SCEL: variants seen among roughly 807,000 people sequenced by gnomAD.
The protein encoded by SCEL is sciellin.
A neutral mutation model predicts 117.6 loss-of-function variants in SCEL; 113 were observed. The observed-to-expected ratio is 0.96, with a 90% CI of 0.83 to 1.12. The LOEUF (loss-of-function observed/expected upper bound fraction) is 1.12, where lower values mean the gene tolerates loss of function less well. Among genes scored for constraint, SCEL ranks in the 50% most tolerant of loss-of-function variants. The pLI, the probability that SCEL is intolerant of heterozygous loss-of-function variation, is 0.00. For missense variants in SCEL, 785 were observed against 810.8 expected (o/e 0.97, Z 0.39); for synonymous variants, 270 against 256.2 (o/e 1.05, Z -0.51).
At chr13:77,546,587 C>A (rs2084000733) in intron 1 of SCEL, among the ~76,000 whole-genome samples, 1 of 151,766 alleles carries the variant, frequency 6.6e-6, no homozygotes, top group Non-Finnish European at 1.5e-5. Flanking sequence ...TCACACATAT[C>A]TTTTGTAGAC....
Position 77,603,110 on chromosome 13 carries a change from C to A in SCEL, c.1072C>A (p.Pro358Thr). 1.3e-6 allele frequency: 2 copies of A among 1,562,708 alleles called. No homozygotes were observed. The highest frequency in any genetic ancestry group is 1.7e-6 in the Non-Finnish European group (2 of 1,153,030). Residue 358 changes from proline (P) to threonine (T), a missense_variant, in exon 18 of 33, where the codon CCC (proline) becomes ACC (threonine). By Grantham distance (38) the Pro-to-Thr change is conservative. Transcript: ENST00000349847. ...CCTTGATAATGCTACTGAAGTAAATCCCAAAGGACATGAAAATACCACTGG... is the reference window on the plus strand; with the variant it reads ...CCTTGATAATGCTACTGAAGTAAATACCAAAGGACATGAAAATACCACTGG... ...EDLDNATEVN[P>T]KGHENTTGKK...
chr13:77,629,781 T>C (rs148677698), intron 28 of SCEL, among the ~76,000 whole-genome samples: 115 of 152,250 alleles, frequency 7.6e-4, no homozygotes, highest in African/African-American at 2.7e-3. Flanking sequence ...CAGAGAGCCA[T>C]GTAGAAATAT....
chr13:77,617,973 C>G, intron 26 of SCEL, 31 bp from the exon 27 acceptor site: 1 of 1,607,478 alleles, frequency 6.2e-7, no homozygotes, highest in Non-Finnish European at 8.5e-7. Flanking sequence ...TATTACCAAT[C>G]TGAACTTTTT....
chr13:77,541,865 C>T (rs2083721018), intron 1 of SCEL, among the ~76,000 whole-genome samples: 1 of 152,144 alleles, frequency 6.6e-6, no homozygotes, highest in African/African-American at 2.4e-5. Flanking sequence ...ATATGAAATA[C>T]AGTAAAGTAT....
chr13:77,580,396 C>T (rs965207917), intron 9 of SCEL, among the ~76,000 whole-genome samples: 8 of 152,098 alleles, frequency 5.3e-5, no homozygotes, highest in South Asian at 2.1e-4. Flanking sequence ...TAGCATTTGC[C>T]GGACGTGAGC....
At chr13:77,574,738 C>T (rs1192135517) in intron 9 of SCEL, among the ~76,000 whole-genome samples, 3 of 152,076 alleles carry the variant, frequency 2.0e-5, no homozygotes. Flanking sequence ...CAGAGGAGCC[C>T]AAAGAAAATG....
At chr13:77,598,775 T>C (rs1313939544) in intron 13 of SCEL, among the ~76,000 whole-genome samples, 1 of 152,178 alleles carries the variant, frequency 6.6e-6, no homozygotes, top group African/African-American at 2.4e-5. Context: ...CTCCATTTCC[T>C]GGACTCAAGC....
At chr13:77,616,084 A>G (rs1266920674) in intron 24 of SCEL, among the ~76,000 whole-genome samples, 1 of 150,804 alleles carries the variant, frequency 6.6e-6, no homozygotes, top group Non-Finnish European at 1.5e-5. Flanking sequence ...GTGATGTAAA[A>G]TGTATTTCTT....
At chr13:77,573,687 A>C (rs939430345) in intron 9 of SCEL, among the ~76,000 whole-genome samples, 7 of 149,384 alleles carry the variant, frequency 4.7e-5, no homozygotes, top group African/African-American at 1.7e-4. Context: ...CTATCTGTCT[A>C]TCTATCTAAT....
At chr13:77,581,114 T>C (rs2086240019) in intron 9 of SCEL, among the ~76,000 whole-genome samples, 1 of 152,238 alleles carries the variant, frequency 6.6e-6, no homozygotes, top group African/African-American at 2.4e-5. Context: ...ATACATCTTA[T>C]TTTTATCTCA....
chr13:77,587,722 T>A (rs1160841207), intron 9 of SCEL, among the ~76,000 whole-genome samples: 12 of 152,154 alleles, frequency 7.9e-5, no homozygotes. Flanking sequence ...CGCCCTTCTA[T>A]TACTCTTGTT....
At chr13:77,553,630 C>T (rs1408919518) in intron 1 of SCEL, among the ~76,000 whole-genome samples, 1 of 152,080 alleles carries the variant, frequency 6.6e-6, no homozygotes, top group Non-Finnish European at 1.5e-5. Flanking sequence ...ATCCCTGACA[C>T]TCCCGGTGTG....
At chr13:77,555,788 C>A in intron 1 of SCEL, 69 bp from the exon 2 acceptor site, 2 of 1,014,634 alleles carry the variant, frequency 2.0e-6, no homozygotes, top group South Asian at 1.3e-5. Flanking sequence ...GAATCTCAGT[C>A]ATGAAACAGT....
rs1419429480 is a variant in SCEL, at chr13:77,542,095, A to G, written c.-20+6271A>G. On this transcript the variant is annotated intron_variant, in intron 1 of 32. Coordinates refer to ENST00000349847, the MANE Select transcript of SCEL (RefSeq NM_144777.3). ...ACTATTCATGTTAAAGCTTGCTGTT[A>G]TCATTCTGCAGAAAAGATGGGCTGT... is the stretch of plus-strand genomic sequence containing the variant. Among the ~76,000 whole-genome samples, 6 of 152,240 alleles carry G rather than the reference A, an allele frequency of 3.9e-5. No individual in the cohort carries two copies. In the East Asian group the frequency reaches 1.2e-3, roughly 29 times the overall value.
intron 10 of SCEL, among the ~76,000 whole-genome samples, chr13:77,589,833 C>T (rs936511276): frequency 6.6e-6 from 1 of 152,136 alleles, no homozygotes; most frequent in African/African-American, 2.4e-5. Context: ...TGCTTCTCAG[C>T]TTTGAATCTC....
chr13:77,575,666 G>A lies in SCEL; in HGVS notation c.545+3477G>A, dbSNP rs182702493. On this transcript the variant is annotated intron_variant, in intron 9 of 32. Transcript: ENST00000349847. Reference sequence around the variant, plus strand: ...GAGAGAATCTAATTCATAACAGCAAGACATGGCATGTAAAGTTTTTAATTT... The same window carrying A: ...GAGAGAATCTAATTCATAACAGCAAAACATGGCATGTAAAGTTTTTAATTT... Among the ~76,000 whole-genome samples the A allele has an allele frequency of 8.5e-5, 13 of 152,236 alleles. No homozygotes were observed. The East Asian group carries it at 1.5e-3, about 18-fold the overall frequency.
intron 22 of SCEL, 97 bp downstream of exon 22, chr13:77,610,203 A>G (rs767947431): frequency 2.5e-5 from 20 of 803,216 alleles, no homozygotes; most frequent in Admixed American, 7.1e-5. Flanking sequence ...CTGTAATCCC[A>G]ACAGTTTAGG....
chr13:77,604,871 G>T (rs1407927849), intron 19 of SCEL, among the ~76,000 whole-genome samples: 1 of 152,070 alleles, frequency 6.6e-6, no homozygotes, highest in Non-Finnish European at 1.5e-5. Flanking sequence ...GTATAAATGC[G>T]TGTGTGTATA....
chr13:77,577,460 A>G (rs986087299), intron 9 of SCEL, among the ~76,000 whole-genome samples: 1 of 152,024 alleles, frequency 6.6e-6, no homozygotes, highest in Admixed American at 6.5e-5. Flanking sequence ...CTATCACTAG[A>G]ACAGCATGGG....
Sources: allele counts gnomAD v4.1 joint callset (sites outside exome capture counted in the v4.1 genomes callset), GRCh38; gene constraint gnomAD v4.1.1; transcripts MANE v1.5; gene names NCBI Gene and HGNC (gene_info 2026-07-23, HGNC 2026-07-21).